PDK4: variants seen among roughly 807,000 people sequenced by gnomAD.
PDK4 encodes the protein pyruvate dehydrogenase kinase, isozyme 4.
Under a neutral mutation model 51.7 loss-of-function variants are expected in PDK4, and 43 were observed. That is an observed-to-expected ratio of 0.83 (90% CI 0.65 to 1.07). The LOEUF is 1.07. PDK4 is among the 50% of genes least tolerant of loss of function. PDK4 has a pLI of 0.00. For synonymous variants in PDK4, 170 were observed against 176.6 expected (o/e 0.96, Z 0.30); for missense variants, 498 against 503.5 (o/e 0.99, Z 0.10).
At position 95,584,497 on chromosome 7, in the gene PDK4, GCATGCTGGCATGAGAAT is replaced by G. The variant is rs1222649450; in HGVS notation, c.*1127_*1143del. ...CAGTCACAACAACTGACAAATGAAA[GCATGCTGGCATGAGAAT>G]CTCTTACGTCCAGGCTATTTGCTTA... On this transcript the variant is annotated 3_prime_UTR_variant, in exon 11 of 11. Coordinates refer to ENST00000005178, the MANE Select transcript of PDK4 (RefSeq NM_002612.4). 1 of 152,162 alleles carries G rather than the reference GCATGCTGGCATGAGAAT, an allele frequency of 6.6e-6. No individual in the cohort carries two copies. Among genetic ancestry groups the G allele is most frequent in the Non-Finnish European group, 1.5e-5 (1 of 68,026 alleles). 9.4% of individuals were successfully genotyped at this position (152,162 alleles called of 1,614,324 possible).
At chr7:95,591,939 A>G in intron 6 of PDK4, 49 bp downstream of exon 6, 1 of 929,108 alleles carries the variant, frequency 1.1e-6, no homozygotes, top group East Asian at 2.7e-5. Context: ...TAATATTAGG[A>G]GAACACAGAA....
chr7:95,583,808 C>A lies in PDK4; in HGVS notation c.*1833G>T, dbSNP rs1435477458. ...AACTGATTTAAATCTTTGGTAAATA[C>A]AAGTATTTACATGTAAAAATGTTTA... On this transcript the variant is annotated 3_prime_UTR_variant, in exon 11 of 11. Coordinates refer to ENST00000005178, the MANE Select transcript of PDK4 (RefSeq NM_002612.4). The A allele has an allele frequency of 1.3e-5, 2 of 151,678 alleles. No individual in the cohort carries two copies. The allele number at this position is 151,678 out of a possible 1,614,324, so 9.4% of individuals were successfully genotyped here. A position where few individuals can be genotyped will look rare whatever the true frequency, so the allele number is the denominator to read the frequency against.
chr7:95,595,034 C>G lies in PDK4; in HGVS notation c.261G>C (p.Leu87Phe). The G allele has an allele frequency of 6.2e-7, 1 of 1,610,134 alleles. No individual in the cohort carries two copies. The highest frequency in any genetic ancestry group is 8.5e-7 in the Non-Finnish European group (1 of 1,177,426). ...GGTTCACCACTTACCAGCTTTTAACCAATTGCACTGAAGAGGTATTTACTA... is the reference window on the plus strand; with the variant it reads ...GGTTCACCACTTACCAGCTTTTAACGAATTGCACTGAAGAGGTATTTACTA... ...TQLVNTSSVQLVKSWYIQSLM... is the reference protein window; with the variant it reads ...TQLVNTSSVQFVKSWYIQSLM... Residue 87 changes from leucine (L) to phenylalanine (F), a missense_variant, in exon 2 of 11, where the codon TTG becomes TTC. Transcript: ENST00000005178.
In PDK4 at chr7:95,584,000, T is replaced by C. The variant is rs1426349102; in HGVS notation, c.*1641A>G. On this transcript the variant is annotated 3_prime_UTR_variant, in exon 11 of 11. Coordinates refer to ENST00000005178, the MANE Select transcript of PDK4 (RefSeq NM_002612.4). ...AAAAATAGTTGAGCTTCTATTACCA[T>C]TACCAGAAGCACCACAACACTAGGC... 1 of 152,158 alleles carries C rather than the reference T, an allele frequency of 6.6e-6. No individual in the cohort carries two copies. The highest frequency in any genetic ancestry group is 2.4e-5 in the African/African-American group (1 of 41,432). 9.4% of individuals were successfully genotyped at this position (152,158 alleles called of 1,614,324 possible).
At chr7:95,593,115 A>G (rs946840306) in intron 3 of PDK4, among the ~76,000 whole-genome samples, 171 bp from the exon 4 acceptor site, 2 of 152,166 alleles carry the variant, frequency 1.3e-5, no homozygotes, top group African/African-American at 4.8e-5. Flanking sequence ...CTTCCACTAG[A>G]GTAGAGGAGA....
Position 95,592,779 on chromosome 7 carries a change from C to T in PDK4, c.510G>A (p.Arg170=). 6.2e-7 allele frequency: 1 copy of T among 1,612,024 alleles called. No homozygotes were observed. The highest frequency in any genetic ancestry group is 8.5e-7 in the Non-Finnish European group (1 of 1,179,002). Residue 170 remains arginine, a synonymous_variant, in exon 4 of 11, where the codon CGG becomes CGA. Coordinates refer to ENST00000005178, the MANE Select transcript of PDK4 (RefSeq NM_002612.4). Reference sequence around the variant, plus strand: ...ACTTACTGTGCTGGTTCATCAGCATCCGAGTAGAAATACGGTTCATGTAAA... The same window carrying T: ...ACTTACTGTGCTGGTTCATCAGCATTCGAGTAGAAATACGGTTCATGTAAA... ...DRFYMNRIST[R]MLMNQHILIF...
In PDK4 at chr7:95,585,778, A is replaced by G. The variant is rs1241478950; in HGVS notation, c.1099T>C (p.Leu367=). The change falls in exon 11 of 11, where the codon TTG becomes CTG. Residue 367 remains leucine, a synonymous_variant. Coordinates refer to ENST00000005178, the MANE Select transcript of PDK4 (RefSeq NM_002612.4). ...AGTTTTTCTATAGACTCAGAAGACA[A>G]AGCCTAAAAGAAAAGGGGGGAAAAA... ...GTDAIIYLKA[L]SSESIEKLPV... is the part of the protein sequence containing the mutation. The G allele has an allele frequency of 3.8e-6, 6 of 1,580,290 alleles. No homozygotes were observed. The highest frequency in any genetic ancestry group is 5.2e-6 in the Non-Finnish European group (6 of 1,155,094).
At chr7:95,595,294 G>A (rs1029612812) in intron 1 of PDK4, 130 bp from the exon 2 acceptor site, 3 of 564,042 alleles carry the variant, frequency 5.3e-6, no homozygotes, top group Non-Finnish European at 5.9e-6. Flanking sequence ...TTGGGTTACT[G>A]TTAATCGATA....
In PDK4 at chr7:95,587,708, G is replaced by T. The variant is rs1353614816; in HGVS notation, c.870+19C>A. The T allele has an allele frequency of 6.5e-7, 1 of 1,537,974 alleles. No individual in the cohort carries two copies. The highest frequency in any genetic ancestry group is 1.1e-5 in the South Asian group (1 of 89,454). On this transcript the variant is annotated intron_variant, in intron 8 of 10. Coordinates refer to ENST00000005178, the MANE Select transcript of PDK4 (RefSeq NM_002612.4). ...AATTCTCTCAAGAGACACCCAAAAG[G>T]AAAACAGAGAATGGTTACCTTAATG... is the stretch of plus-strand genomic sequence containing the variant.
Position 95,587,815 on chromosome 7 carries a change from C to T in PDK4, c.782G>A (p.Arg261Gln), listed in dbSNP as rs926216991. The T allele has an allele frequency of 3.1e-6, 5 of 1,609,070 alleles. No individual in the cohort carries two copies. The highest frequency in any genetic ancestry group is 1.3e-5 in the African/African-American group (1 of 74,764). Reference sequence around the variant, plus strand: ...ATTTTCCTGGTGTTCAACTGTTGCCCGCATTGCATTCTAAAACAAAGCAAA... The same window carrying T: ...ATTTTCCTGGTGTTCAACTGTTGCCTGCATTGCATTCTAAAACAAAGCAAA... ...MLFELFKNAM[R>Q]ATVEHQENQP... The change falls in exon 8 of 11, where the codon CGG (arginine) becomes CAG (glutamine). Residue 261 changes from arginine to glutamine, a missense_variant. Coordinates refer to ENST00000005178, the MANE Select transcript of PDK4 (RefSeq NM_002612.4).
rs566508599 is a variant in PDK4 at position 95,587,269 on chromosome 7, C to A, written c.982-146G>T. The A allele has an allele frequency of 3.5e-4, 253 of 714,196 alleles. 2 individuals carry two copies. The highest frequency in any genetic ancestry group is 3.3e-3 in the South Asian group (181 of 55,602). 44.2% of individuals were successfully genotyped at this position (714,196 alleles called of 1,614,324 possible). On this transcript the variant is annotated intron_variant, in intron 9 of 10. Coordinates refer to ENST00000005178, the MANE Select transcript of PDK4 (RefSeq NM_002612.4). Reference sequence around the variant, plus strand: ...TCCAATCAGACATCCCTTGTTTCACCATTTTTAGCTTGCTTTATCATTCAT... The same window carrying A: ...TCCAATCAGACATCCCTTGTTTCACAATTTTTAGCTTGCTTTATCATTCAT...
intron 8 of PDK4, 92 bp downstream of exon 8, chr7:95,587,635 G>T (rs894902605): frequency 3.5e-6 from 4 of 1,144,116 alleles, no homozygotes; most frequent in Non-Finnish European, 5.3e-6. Context: ...ATATATGACT[G>T]TTATCTATTG....
At chr7:95,586,263 C>T (rs1236244133) in intron 10 of PDK4, among the ~76,000 whole-genome samples, 2 of 144,510 alleles carry the variant, frequency 1.4e-5, no homozygotes, top group Non-Finnish European at 3.0e-5. Context: ...GGCACGATCT[C>T]AGCTCACTGC....
intron 7 of PDK4, among the ~76,000 whole-genome samples, chr7:95,588,460 G>T (rs1791513747): frequency 6.6e-6 from 1 of 152,154 alleles, no homozygotes; most frequent in African/African-American, 2.4e-5. Context: ...CCGTCTATTG[G>T]CTGAATCTCA....
chr7:95,589,931 G>T (rs1016137981), intron 6 of PDK4, among the ~76,000 whole-genome samples: 1 of 151,736 alleles, frequency 6.6e-6, no homozygotes, highest in Non-Finnish European at 1.5e-5. Context: ...ATGCTCTTTT[G>T]TTAATTGTTT....
chr7:95,596,034 G>T, intron 1 of PDK4, 130 bp downstream of exon 1: 3 of 1,015,954 alleles, frequency 3.0e-6, no homozygotes, highest in East Asian at 6.0e-5. Flanking sequence ...TGGCGTCGAG[G>T]CTCCAGGGCT....
At chr7:95,586,953 C>G (rs1791489692) in intron 10 of PDK4, 57 bp downstream of exon 10, 6 of 959,610 alleles carry the variant, frequency 6.3e-6, no homozygotes, top group Admixed American at 1.8e-5. Context: ...GCACTCAAGG[C>G]TATAAAAGGA....
chr7:95,592,969 T>G (rs1258366280), intron 3 of PDK4, 25 bp from the exon 4 acceptor site: 3 of 1,507,088 alleles, frequency 2.0e-6, no homozygotes, highest in Non-Finnish European at 2.7e-6. Flanking sequence ...TTATGGTTAG[T>G]AAAAGTTCAA....
rs1362613250 is a variant in PDK4, at chr7:95,583,533, T to A, written c.*2108A>T. ...CATAAAAAATATTTATTATAAAAAA[T>A]TATCACATTTCTCTGTACATAGCAT... On this transcript the variant is annotated 3_prime_UTR_variant, in exon 11 of 11. Coordinates refer to ENST00000005178, the MANE Select transcript of PDK4 (RefSeq NM_002612.4). 1 of 152,128 alleles carries A rather than the reference T, an allele frequency of 6.6e-6. No individual in the cohort carries two copies. The highest frequency in any genetic ancestry group is 2.4e-5 in the African/African-American group (1 of 41,436). The allele number at this position is 152,128 out of a possible 1,614,324, so 9.4% of individuals were successfully genotyped here.
Sources: allele counts gnomAD v4.1 joint callset (sites outside exome capture counted in the v4.1 genomes callset), GRCh38; gene constraint gnomAD v4.1.1; transcripts MANE v1.5; gene names NCBI Gene and HGNC (gene_info 2026-07-23, HGNC 2026-07-21).